Variants in ADGRL2 observed in about 807,000 individuals in gnomAD.
The protein encoded by ADGRL2 is adhesion G protein-coupled receptor L2, also known as calcium-independent alpha-latrotoxin receptor 2.
Under a neutral mutation model 157.4 loss-of-function variants are expected in ADGRL2, and 44 were observed. That is an observed-to-expected ratio of 0.28 (90% CI 0.22 to 0.36). ADGRL2 has a LOEUF of 0.36. ADGRL2 is among the 10% of genes least tolerant of loss of function. The probability of loss-of-function intolerance (pLI) is 1.00; values close to 1 mark genes in which losing one functional copy is unlikely to be tolerated. For missense variants in ADGRL2, 1,510 were observed against 1,768.9 expected (o/e 0.85, Z 2.63); for synonymous variants, 585 against 624.7 (o/e 0.94, Z 0.95).
At chr1:81,434,554 A>C (rs1450479530) in intron 1 of ADGRL2, among the ~76,000 whole-genome samples, 3 of 152,216 alleles carry the variant, frequency 2.0e-5, no homozygotes, top group African/African-American at 7.2e-5. Context: ...CTAGTGAATA[A>C]GTGAATGAAC....
chr1:81,746,560 G>T (rs2085253331), intron 1 of ADGRL2, among the ~76,000 whole-genome samples: 1 of 152,076 alleles, frequency 6.6e-6, no homozygotes, highest in Non-Finnish European at 1.5e-5. Context: ...AAAGTACTAG[G>T]ATTACTGGGT....
rs1664598456 is a variant in ADGRL2 at position 81,991,526 on chromosome 1, T to C, written c.*381T>C. 1 of 163,414 alleles carries C rather than the reference T, an allele frequency of 6.1e-6. No homozygotes were observed. The highest frequency in any genetic ancestry group is 1.3e-5 in the Non-Finnish European group (1 of 74,186). The allele number at this position is 163,414 out of a possible 1,614,324, so 10.1% of individuals were successfully genotyped here. On this transcript the variant is annotated 3_prime_UTR_variant, in exon 24 of 24. Coordinates refer to ENST00000686636, the MANE Select transcript of ADGRL2 (RefSeq NM_001366006.2). ...ATTTTTGTAGGCCTGCATTGTATTA[T>C]ATACAAGACGTAGGCTTTAAAATCC...
At chr1:81,314,048 G>A (rs999787770) in intron 1 of ADGRL2, among the ~76,000 whole-genome samples, 1 of 152,196 alleles carries the variant, frequency 6.6e-6, no homozygotes, top group Non-Finnish European at 1.5e-5. Flanking sequence ...GTATTAGGCA[G>A]TGCAAAATGC....
intron 3 of ADGRL2, among the ~76,000 whole-genome samples, chr1:81,671,208 G>A (rs923232066): frequency 6.6e-6 from 1 of 152,158 alleles, no homozygotes; most frequent in Admixed American, 6.5e-5. Flanking sequence ...ACACTGGTCA[G>A]GAGAACTGAG....
At chr1:81,640,632 AAAATAAATAAAT>A (rs3045494) in intron 3 of ADGRL2, among the ~76,000 whole-genome samples, 166 of 139,646 alleles carry the variant, frequency 1.2e-3, no homozygotes, top group South Asian at 7.1e-3. Context: ...CTCCATCTCA[AAAATAAATAAAT>A]AAATAAATAA....
At chr1:81,889,075 C>T (rs1037375213) in intron 2 of ADGRL2, among the ~76,000 whole-genome samples, 1 of 152,106 alleles carries the variant, frequency 6.6e-6, no homozygotes, top group African/African-American at 2.4e-5. Context: ...CATCAGGCCT[C>T]CCTATTCCCT....
intron 6 of ADGRL2, among the ~76,000 whole-genome samples, chr1:81,949,271 T>C (rs1650970371): frequency 6.6e-6 from 1 of 152,250 alleles, no homozygotes; most frequent in Non-Finnish European, 1.5e-5. Context: ...AGATTTTTGT[T>C]GTTGTTTAAA....
chr1:81,794,201 T>G (rs2087479863), intron 2 of ADGRL2, among the ~76,000 whole-genome samples: 1 of 152,174 alleles, frequency 6.6e-6, no homozygotes, highest in Non-Finnish European at 1.5e-5. Flanking sequence ...TTTGAACAAT[T>G]AAAAATATAT....
rs539596740 is a variant in ADGRL2, at chr1:81,537,122, G to A, written c.-247-43754G>A. Among the ~76,000 whole-genome samples, 60 of 152,014 alleles carry A rather than the reference G, an allele frequency of 3.9e-4. No homozygotes were observed. The Middle Eastern group carries it at 0.01, about 26-fold the overall frequency. ...TTTATTGTTTTTGAATTACATATACGGAATATGTCCACTGTATACATTTTA... is the reference window on the plus strand; with the variant it reads ...TTTATTGTTTTTGAATTACATATACAGAATATGTCCACTGTATACATTTTA... On this transcript the variant is annotated intron_variant, in intron 2 of 24. Transcript: ENST00000370721.
At chr1:81,669,406 A>T (rs992638358) in intron 3 of ADGRL2, among the ~76,000 whole-genome samples, 1 of 151,672 alleles carries the variant, frequency 6.6e-6, no homozygotes, top group Non-Finnish European at 1.5e-5. Flanking sequence ...GCAATGTAGC[A>T]AGACTCCATC....
chr1:81,472,385 C>A (rs192745897), intron 2 of ADGRL2, among the ~76,000 whole-genome samples: 44 of 152,298 alleles, frequency 2.9e-4, no homozygotes, highest in Non-Finnish European at 5.9e-4. Context: ...TAGCACTTTG[C>A]GAGGCCGAGG....
At chr1:81,314,970 C>G (rs1405306122) in intron 1 of ADGRL2, among the ~76,000 whole-genome samples, 1 of 152,164 alleles carries the variant, frequency 6.6e-6, no homozygotes, top group Non-Finnish European at 1.5e-5. Context: ...AGCATTTGGT[C>G]TTTGCAACTC....
chr1:81,574,773 C>G (rs561926855), intron 2 of ADGRL2, among the ~76,000 whole-genome samples: 49 of 152,258 alleles, frequency 3.2e-4, no homozygotes, highest in Middle Eastern at 3.4e-3. Flanking sequence ...CACACAATGT[C>G]ATTCAACAGG....
intron 2 of ADGRL2, chr1:81,580,873 T>C (rs1038415803): frequency 2.6e-5 from 4 of 152,220 alleles, no homozygotes; most frequent in African/African-American, 9.6e-5. Flanking sequence ...CCTTTTCTTT[T>C]AGAGCCCAAT....
chr1:81,758,540 C>A (rs1300614890), intron 1 of ADGRL2, among the ~76,000 whole-genome samples: 1 of 152,152 alleles, frequency 6.6e-6, no homozygotes, highest in Non-Finnish European at 1.5e-5. Flanking sequence ...ATGCTGTTTG[C>A]AGTTCATTGC....
intron 3 of ADGRL2, among the ~76,000 whole-genome samples, chr1:81,680,944 T>A (rs1019477432): frequency 6.6e-6 from 1 of 152,150 alleles, no homozygotes; most frequent in African/African-American, 2.4e-5. Flanking sequence ...CAATGGCAGC[T>A]TCTTGAATTT....
At chr1:81,383,825 A>AAAAAAAAAAAAG (rs773227675) in intron 1 of ADGRL2, among the ~76,000 whole-genome samples, 4 of 143,980 alleles carry the variant, frequency 2.8e-5, no homozygotes, top group Admixed American at 7.0e-5. Flanking sequence ...AAAAAAAAAA[A>AAAAAAAAAAAAG]AGAGAGCCGG....
intron 3 of ADGRL2, among the ~76,000 whole-genome samples, chr1:81,686,717 T>G (rs1202100233): frequency 6.6e-6 from 1 of 152,180 alleles, no homozygotes; most frequent in Non-Finnish European, 1.5e-5. Context: ...TCCCTTGAGG[T>G]GTGACCTTAG....
At chr1:81,707,624 G>A (rs899546728) in intron 1 of ADGRL2, among the ~76,000 whole-genome samples, 1 of 150,188 alleles carries the variant, frequency 6.7e-6, no homozygotes, top group Non-Finnish European at 1.5e-5. Context: ...ATCTTTCCTC[G>A]GCTTTTGCTT....
Sources: allele counts gnomAD v4.1 joint callset (sites outside exome capture counted in the v4.1 genomes callset), GRCh38; gene constraint gnomAD v4.1.1; transcripts MANE v1.5; gene names NCBI Gene and HGNC (gene_info 2026-07-23, HGNC 2026-07-21).